Variants in PROSER2 observed in about 807,000 individuals in gnomAD.
The protein encoded by PROSER2 is proline and serine rich 2.
Under a neutral mutation model 14.6 loss-of-function variants are expected in PROSER2, and 18 were observed. The ratio of observed to expected loss-of-function variants is 1.23; its 90% CI spans 0.85 to 1.83. PROSER2 has a LOEUF of 1.83. Ranked by LOEUF, PROSER2 falls within the 40% of genes most tolerant of loss-of-function variation. The pLI is 0.00. For missense variants in PROSER2, 823 were observed against 629.8 expected, an observed-to-expected ratio of 1.31 and a Z score of -3.28; for synonymous variants, 367 against 286.4, an observed-to-expected ratio of 1.28 and a Z score of -2.84.
In PROSER2 at chr10:11,836,396, C is replaced by A. The variant is rs538321185; in HGVS notation, c.-82+12926C>A. On this transcript the variant is annotated intron_variant, in intron 1 of 3. Transcript: ENST00000277570. This position sits in a 1 kb window ranked among gnomAD's most constrained non-coding sequence, Gnocchi z 4.6. ...ATTTTTGGTAGAGATGGGGTTTCAC[C>A]ATGTTAGCCAGGCTGGTCTCGATCT... is the stretch of plus-strand genomic sequence containing the variant. Among the ~76,000 whole-genome samples, 1 of 152,130 alleles carries A rather than the reference C, an allele frequency of 6.6e-6. No homozygotes were observed. Among genetic ancestry groups the A allele is most frequent in the East Asian group, 1.9e-4 (1 of 5,176 alleles).
Position 11,838,958 on chromosome 10 carries a change from C to T in PROSER2, c.-81-13039C>T, listed in dbSNP as rs1833798800. Among the ~76,000 whole-genome samples, 1 of 152,042 alleles carries T rather than the reference C, an allele frequency of 6.6e-6. No homozygotes were observed. Among genetic ancestry groups the T allele is most frequent in the Admixed American group, 6.6e-5 (1 of 15,244 alleles). Reference sequence around the variant, plus strand: ...TTCTCTTAATATTGTCTATGGTGTCCTTAATTTTTATGTAGACAGATGCAT... The same window carrying T: ...TTCTCTTAATATTGTCTATGGTGTCTTTAATTTTTATGTAGACAGATGCAT... On this transcript the variant is annotated intron_variant, in intron 1 of 3. Transcript: ENST00000277570. This position sits in a 1 kb window ranked among gnomAD's most constrained non-coding sequence, Gnocchi z 4.4.
chr10:11,827,728 G>T (rs1039835010), intron 1 of PROSER2, among the ~76,000 whole-genome samples: 2 of 150,178 alleles, frequency 1.3e-5, no homozygotes, highest in Non-Finnish European at 2.9e-5. Flanking sequence ...ACCTAAACTG[G>T]AATGCAGTGG....
At chr10:11,843,726 C>T (rs1327173463) in intron 1 of PROSER2, among the ~76,000 whole-genome samples, 1 of 151,294 alleles carries the variant, frequency 6.6e-6, no homozygotes, top group Non-Finnish European at 1.5e-5. Context: ...GTGGTGGGCT[C>T]CTGCAATCCC....
At chr10:11,855,325 T>A (rs1834103466) in intron 2 of PROSER2, among the ~76,000 whole-genome samples, 1 of 151,686 alleles carries the variant, frequency 6.6e-6, no homozygotes, top group South Asian at 2.1e-4. Context: ...TACAAAAAAA[T>A]TAGCTGGGCG....
At position 11,837,073 on chromosome 10, in the gene PROSER2, T is replaced by G. The variant is rs1833771997; in HGVS notation, c.-82+13603T>G. On this transcript the variant is annotated intron_variant, in intron 1 of 3. Coordinates refer to ENST00000277570, the MANE Select transcript of PROSER2 (RefSeq NM_153256.4). This position sits in a 1 kb window ranked among gnomAD's most constrained non-coding sequence, Gnocchi z 4.6. ...AGATCAGCTGTCTATGTGGCCGTGC[T>G]TATGTTCAAGTCACTTTTATTTAAT... Among the ~76,000 whole-genome samples, 1 of 152,182 alleles carries G rather than the reference T, an allele frequency of 6.6e-6. No individual in the cohort carries two copies. Among genetic ancestry groups the G allele is most frequent in the Non-Finnish European group, 1.5e-5 (1 of 68,030 alleles).
At chr10:11,852,684 A>AT (rs33939695) in intron 2 of PROSER2, among the ~76,000 whole-genome samples, 1,166 of 97,974 alleles carry the variant, frequency 0.012, 5 homozygotes, top group Middle Eastern at 0.021. Context: ...ACACCCGGCT[A>AT]TTTTTTTTTT....
chr10:11,840,706 C>T (rs56403133), intron 1 of PROSER2, among the ~76,000 whole-genome samples: 61,099 of 151,114 alleles, frequency 0.4, 12,900 homozygotes, highest in East Asian at 0.58. Flanking sequence ...GGTGGATCAC[C>T]CTGAGGTCAG....
In PROSER2 at chr10:11,862,935, C is replaced by A. The variant is rs547457889; in HGVS notation, c.139-3596C>A. The stretch of plus-strand genomic sequence containing the variant: ...AGGGCGCTAGAGCAACCAGCCCTGC[C>A]GAAAGCAAGTGTCAGTCAGTACAAC... On this transcript the variant is annotated intron_variant, in intron 2 of 3. Transcript: ENST00000277570. This position sits in a 1 kb window ranked among gnomAD's most constrained non-coding sequence, Gnocchi z 4.2. The A allele has an allele frequency of 2.0e-5, 3 of 152,136 alleles. No individual in the cohort carries two copies. The highest frequency in any genetic ancestry group is 4.8e-5 in the African/African-American group (2 of 41,404). 9.4% of individuals were successfully genotyped at this position (152,136 alleles called of 1,614,324 possible).
intron 2 of PROSER2, among the ~76,000 whole-genome samples, chr10:11,853,461 A>ATG (rs1834067672): frequency 6.6e-6 from 1 of 152,066 alleles, no homozygotes; most frequent in East Asian, 1.9e-4. Flanking sequence ...GGTGGTGGGC[A>ATG]CCTGTAATCC....
intron 1 of PROSER2, chr10:11,850,808 G>A (rs867493085): frequency 2.0e-5 from 3 of 152,174 alleles, no homozygotes; most frequent in Middle Eastern, 3.2e-3. Context: ...CTCCACAAAT[G>A]GTCATGTTTC....
rs537081096 is a variant in PROSER2, at chr10:11,863,816, T to C, written c.139-2715T>C. Among the ~76,000 whole-genome samples the C allele has an allele frequency of 9.9e-5, 15 of 150,790 alleles. No individual in the cohort carries two copies. In the East Asian group the frequency reaches 2.5e-3, roughly 25 times the overall value. On this transcript the variant is annotated intron_variant, in intron 2 of 3. Coordinates refer to ENST00000277570, the MANE Select transcript of PROSER2 (RefSeq NM_153256.4). ...TATGGTGTCGGTGTGTATGTTGCTG[T>C]GCACAGATGATAGATAAATGCTTTC...
intron 1 of PROSER2, among the ~76,000 whole-genome samples, chr10:11,828,769 C>T (rs1833649763): frequency 6.6e-6 from 1 of 152,114 alleles, no homozygotes; most frequent in Admixed American, 6.6e-5. Context: ...ATTTGAGTTC[C>T]TAACACGCTG....
At chr10:11,840,940 AAAAAAAAAAAAAAAAATATATATATATAT>A (rs1346480214) in intron 1 of PROSER2, among the ~76,000 whole-genome samples, 2 of 68,048 alleles carry the variant, frequency 2.9e-5, no homozygotes, top group African/African-American at 7.4e-5. Context: ...AAAAAAAAAA[AAAAAAAAAAAAAAAAATATATATATATAT>A]ATATATATAT....
At chr10:11,861,695 G>A (rs568960084) in intron 2 of PROSER2, among the ~76,000 whole-genome samples, 1 of 152,294 alleles carries the variant, frequency 6.6e-6, no homozygotes, top group South Asian at 2.1e-4. Context: ...ACAGTTCAGT[G>A]TAACAAAAGT....
In PROSER2 at chr10:11,862,198, C is replaced by T. The variant is rs540152005; in HGVS notation, c.139-4333C>T. Among the ~76,000 whole-genome samples the T allele has an allele frequency of 3.9e-5, 6 of 152,344 alleles. No individual in the cohort carries two copies. The South Asian group carries it at 1.2e-3, about 32-fold the overall frequency. On this transcript the variant is annotated intron_variant, in intron 2 of 3. Coordinates refer to ENST00000277570, the MANE Select transcript of PROSER2 (RefSeq NM_153256.4). The surrounding 1 kb of genome is among the most constrained non-coding windows in gnomAD (Gnocchi z 4.2). ...GGTCAAGAAAAGATCGCAGAGACAT[C>T]AGTTCTCTGCAATTTGAGAAACTTT...
chr10:11,850,633 C>T (rs535637126), intron 1 of PROSER2: 2 of 152,334 alleles, frequency 1.3e-5, no homozygotes, highest in Admixed American at 1.3e-4. Flanking sequence ...CCTAGCCTTG[C>T]TCTTAAATCG....
chr10:11,847,448 C>G (rs1833940125), intron 1 of PROSER2, among the ~76,000 whole-genome samples: 1 of 152,076 alleles, frequency 6.6e-6, no homozygotes, highest in Non-Finnish European at 1.5e-5. Flanking sequence ...GACGGAGTCT[C>G]GCTCTGTCAC....
At chr10:11,849,809 G>A (rs1833985301) in intron 1 of PROSER2, 1 of 152,344 alleles carries the variant, frequency 6.6e-6, no homozygotes, top group Admixed American at 6.5e-5. Flanking sequence ...TCATGTGTTG[G>A]ACACTTAATC....
At position 11,830,248 on chromosome 10, in the gene PROSER2, G is replaced by A. The variant is rs529730040; in HGVS notation, c.-82+6778G>A. ...CTCTGTGCATTTATGTGGACCCATCGTTTAGTTCCCACTTGTGAGAACATG... is the reference window on the plus strand; with the variant it reads ...CTCTGTGCATTTATGTGGACCCATCATTTAGTTCCCACTTGTGAGAACATG... On this transcript the variant is annotated intron_variant, in intron 1 of 3. Coordinates refer to ENST00000277570, the MANE Select transcript of PROSER2 (RefSeq NM_153256.4). This position sits in a 1 kb window ranked among gnomAD's most constrained non-coding sequence, Gnocchi z 4.5. Among the ~76,000 whole-genome samples the A allele has an allele frequency of 6.6e-6, 1 of 152,220 alleles. No individual in the cohort carries two copies. Among genetic ancestry groups the A allele is most frequent in the East Asian group, 1.9e-4 (1 of 5,188 alleles).
Sources: gnomAD v4.1 joint callset for allele counts (sites outside exome capture counted in the v4.1 genomes callset) on GRCh38, gnomAD v4.1.1 for gene constraint, Gnocchi (gnomAD v3.1) non-coding constraint, MANE v1.5 for transcripts, NCBI Gene and HGNC (gene_info 2026-07-23, HGNC 2026-07-21) for gene names.